SNTG1: variants seen among roughly 807,000 people sequenced by gnomAD.
SNTG1 encodes the protein gamma-1-syntrophin.
A neutral mutation model predicts 74.7 loss-of-function variants in SNTG1; 39 were observed. The ratio of observed to expected loss-of-function variants is 0.52; its 90% CI spans 0.40 to 0.68. The LOEUF (loss-of-function observed/expected upper bound fraction) is 0.68, where lower values mean the gene tolerates loss of function less well. Among genes scored for constraint, SNTG1 ranks in the 30% least tolerant of loss-of-function variants. The probability of loss-of-function intolerance (pLI) is 0.00; values close to 1 mark genes in which losing one functional copy is unlikely to be tolerated. For missense variants in SNTG1, 685 were observed against 609.5 expected, an observed-to-expected ratio of 1.12 and a Z score of -1.30; for synonymous variants, 254 against 217.1, an observed-to-expected ratio of 1.17 and a Z score of -1.49.
At chr8:50,474,419 T>C (rs2093679018) in intron 8 of SNTG1, among the ~76,000 whole-genome samples, 2 of 149,100 alleles carry the variant, frequency 1.3e-5, no homozygotes, top group Admixed American at 6.7e-5. Context: ...GGGCGAAGGA[T>C]ATGAATAGAC....
chr8:50,487,259 C>T (rs2093804366), intron 8 of SNTG1, among the ~76,000 whole-genome samples: 4 of 152,112 alleles, frequency 2.6e-5, no homozygotes, highest in African/African-American at 9.7e-5. Context: ...ACTAGTTCAA[C>T]CATTGTGGAA....
chr8:50,414,752 TGC>T (rs1216233413), intron 4 of SNTG1, among the ~76,000 whole-genome samples: 36 of 152,046 alleles, frequency 2.4e-4, no homozygotes. Flanking sequence ...TGCATGTGTG[TGC>T]GTGTGTGGGT....
At chr8:50,737,218 A>G (rs2095531139) in intron 17 of SNTG1, among the ~76,000 whole-genome samples, 1 of 152,154 alleles carries the variant, frequency 6.6e-6, no homozygotes, top group Non-Finnish European at 1.5e-5. Context: ...AAAAAACAAT[A>G]AAGGGCATAT....
intron 15 of SNTG1, among the ~76,000 whole-genome samples, chr8:50,684,492 C>T (rs980286904): frequency 6.6e-6 from 1 of 151,682 alleles, no homozygotes; most frequent in African/African-American, 2.4e-5. Flanking sequence ...CTTTCTGTTT[C>T]AATAATAATG....
At chr8:50,430,557 A>G (rs775785713) in intron 4 of SNTG1, among the ~76,000 whole-genome samples, 5 of 152,188 alleles carry the variant, frequency 3.3e-5, no homozygotes, top group African/African-American at 4.8e-5. Context: ...TATGCAAAGT[A>G]GCCCCCACAT....
At chr8:50,284,965 G>T (rs2088682509) in intron 2 of SNTG1, among the ~76,000 whole-genome samples, 1 of 151,726 alleles carries the variant, frequency 6.6e-6, no homozygotes, top group South Asian at 2.1e-4. Flanking sequence ...ATGTTATTTT[G>T]AGCCTCAGTG....
intron 1 of SNTG1, among the ~76,000 whole-genome samples, chr8:49,925,847 G>A (rs933508399): frequency 6.6e-6 from 1 of 152,112 alleles, no homozygotes; most frequent in Non-Finnish European, 1.5e-5. Context: ...GGACATTTAG[G>A]TTGCTTTCAG....
chr8:50,263,614 T>C (rs977233397), intron 2 of SNTG1, among the ~76,000 whole-genome samples: 1 of 152,070 alleles, frequency 6.6e-6, no homozygotes, highest in African/African-American at 2.4e-5. Context: ...AATTTACTAC[T>C]AAAAAAGTAA....
intron 2 of SNTG1, among the ~76,000 whole-genome samples, chr8:50,368,180 A>T (rs1051923210): frequency 6.6e-6 from 1 of 152,168 alleles, no homozygotes; most frequent in African/African-American, 2.4e-5. Context: ...TGGAAATGAG[A>T]ACAGGCCACT....
intron 2 of SNTG1, among the ~76,000 whole-genome samples, chr8:50,269,915 A>G (rs2087690222): frequency 6.6e-6 from 1 of 152,204 alleles, no homozygotes; most frequent in Non-Finnish European, 1.5e-5. Flanking sequence ...TTCATGGAAC[A>G]CAGGACTTCT....
chr8:49,974,535 A>T (rs1812009980), intron 1 of SNTG1, among the ~76,000 whole-genome samples: 2 of 152,114 alleles, frequency 1.3e-5, no homozygotes, highest in African/African-American at 4.8e-5. Flanking sequence ...TGCAAAAGGG[A>T]TTATTTTTCT....
At chr8:50,046,270 T>C (rs1428914361) in intron 1 of SNTG1, among the ~76,000 whole-genome samples, 1 of 152,180 alleles carries the variant, frequency 6.6e-6, no homozygotes, top group Non-Finnish European at 1.5e-5. Context: ...ATCTCCAAAC[T>C]AGATTGTTTC....
chr8:50,073,318 C>A (rs35989044), intron 1 of SNTG1, among the ~76,000 whole-genome samples: 31,109 of 152,112 alleles, frequency 0.2, 3,308 homozygotes, highest in South Asian at 0.38. Context: ...TAAGAAGCAA[C>A]TCCTCATACA....
intron 1 of SNTG1, among the ~76,000 whole-genome samples, chr8:50,153,259 G>A (rs1563667399): frequency 6.6e-6 from 1 of 152,068 alleles, no homozygotes; most frequent in Admixed American, 6.6e-5. Flanking sequence ...GCTCCATCAG[G>A]TCATTTAAGG....
chr8:50,580,502 A>T (rs2094603596), intron 12 of SNTG1, among the ~76,000 whole-genome samples: 1 of 152,144 alleles, frequency 6.6e-6, no homozygotes. Flanking sequence ...CCCAAATCTC[A>T]TCTTGAACTA....
At chr8:50,763,384 T>C (rs2095604501) in intron 18 of SNTG1, among the ~76,000 whole-genome samples, 1 of 151,922 alleles carries the variant, frequency 6.6e-6, no homozygotes, top group African/African-American at 2.4e-5. Flanking sequence ...ATTTTTAGTC[T>C]GATTCCAGAG....
chr8:50,369,816 G>A (rs1437559631), intron 2 of SNTG1, among the ~76,000 whole-genome samples: 1 of 152,098 alleles, frequency 6.6e-6, no homozygotes, highest in Non-Finnish European at 1.5e-5. Context: ...TATTATGGCA[G>A]CCCAAACTGA....
rs554356313 is a variant in SNTG1, at chr8:50,415,779, T to C, written c.162+13435T>C. Among the ~76,000 whole-genome samples, 10 of 152,264 alleles carry C rather than the reference T, an allele frequency of 6.6e-5. 1 individual carries two copies. The South Asian group carries it at 2.1e-3, about 31-fold the overall frequency. On this transcript the variant is annotated intron_variant, in intron 4 of 18. Transcript: ENST00000642720. The stretch of plus-strand genomic sequence containing the variant: ...ATAGCCACCTTTTTAAAAAAATTAA[T>C]AATAAATTTATAAGTGGAATGTGGG...
intron 12 of SNTG1, among the ~76,000 whole-genome samples, chr8:50,559,565 T>C (rs1270493529): frequency 1.3e-5 from 2 of 152,074 alleles, no homozygotes; most frequent in East Asian, 3.9e-4. Flanking sequence ...TCTAAAGATA[T>C]TGGAAGATTG....
Sources: allele counts gnomAD v4.1 joint callset (sites outside exome capture counted in the v4.1 genomes callset), GRCh38; gene constraint gnomAD v4.1.1; transcripts MANE v1.5; gene names NCBI Gene and HGNC (gene_info 2026-07-23, HGNC 2026-07-21).